Variants in TENT5D observed in about 807,000 individuals in gnomAD.
The protein encoded by TENT5D is cancer/testis antigen 112.
For synonymous variants in TENT5D, 103 were observed against 100.6 expected (o/e 1.02, Z -0.15); for missense variants, 191 against 287.0 (o/e 0.67, Z 2.42).
chrX:80,385,965 A>G (rs962243121), intron 3 of TENT5D, among the ~76,000 whole-genome samples: 7 of 112,188 alleles, frequency 6.2e-5, no homozygotes, highest in African/African-American at 2.3e-4. Context: ...ACGCTTTTAC[A>G]CTGTTGGTGG....
intron 3 of TENT5D, among the ~76,000 whole-genome samples, chrX:80,390,518 T>C (rs890737330): frequency 2.7e-5 from 3 of 111,405 alleles, no homozygotes; most frequent in Non-Finnish European, 3.8e-5. Context: ...AGGCACTGAT[T>C]ATAATGAATA....
chrX:80,355,019 G>A lies in TENT5D; in HGVS notation c.-142+12455G>A, dbSNP rs557892344. Among the ~76,000 whole-genome samples, 7 of 111,692 alleles carry A rather than the reference G, an allele frequency of 6.3e-5. No homozygotes were observed. The South Asian group carries it at 1.1e-3, about 18-fold the overall frequency. ...CACCTGGGCCATTTGTTCTAACCCC[G>A]AGGGCTTTGACCAGAACCACAGCTT... On this transcript the variant is annotated intron_variant, in intron 3 of 4. Coordinates refer to the TENT5D transcript ENST00000538312.
chrX:80,414,499 A>G (rs762885770), intron 3 of TENT5D, among the ~76,000 whole-genome samples: 1 of 112,146 alleles, frequency 8.9e-6, no homozygotes, highest in South Asian at 3.7e-4. Flanking sequence ...ACATCTGCCC[A>G]AGGTGGTCAG....
chrX:80,355,844 C>T (rs996965128), intron 3 of TENT5D, among the ~76,000 whole-genome samples: 3 of 111,626 alleles, frequency 2.7e-5, no homozygotes, highest in Non-Finnish European at 3.8e-5. Context: ...TGTGGTCTCT[C>T]TTGGTAGGAG....
chrX:80,402,951 A>T (rs967879722), intron 3 of TENT5D, among the ~76,000 whole-genome samples: 1 of 111,846 alleles, frequency 8.9e-6, no homozygotes, highest in Admixed American at 9.5e-5. Context: ...TTATGTCTGG[A>T]TGATCTTTCC....
chrX:80,422,224 C>T (rs189539804), intron 1 of TENT5D, among the ~76,000 whole-genome samples: 8 of 110,527 alleles, frequency 7.2e-5, no homozygotes, highest in African/African-American at 2.3e-4. Flanking sequence ...CCTGTAATCC[C>T]AGCACTTTGG....
At chrX:80,380,121 G>C (rs929910489) in intron 3 of TENT5D, among the ~76,000 whole-genome samples, 1 of 108,425 alleles carries the variant, frequency 9.2e-6, no homozygotes, top group South Asian at 4.1e-4. Flanking sequence ...CCTCTACACA[G>C]TGCTTTAAAT....
chrX:80,407,159 A>G (rs1931517441), intron 3 of TENT5D, among the ~76,000 whole-genome samples: 1 of 109,396 alleles, frequency 9.1e-6, no homozygotes, highest in Non-Finnish European at 1.9e-5. Flanking sequence ...CCAAAATGTA[A>G]AGACCATCGA....
intron 3 of TENT5D, among the ~76,000 whole-genome samples, chrX:80,356,238 C>T (rs1166188831): frequency 8.9e-6 from 1 of 111,907 alleles, no homozygotes; most frequent in East Asian, 2.8e-4. Flanking sequence ...AGTTTATTTA[C>T]AACAGACAAA....
chrX:80,359,763 T>C (rs1311298363), intron 3 of TENT5D, among the ~76,000 whole-genome samples: 1 of 111,782 alleles, frequency 8.9e-6, no homozygotes, highest in Non-Finnish European at 1.9e-5. Flanking sequence ...TCTGCACGTG[T>C]ATCCTAGAAC....
At chrX:80,376,926 G>T (rs1050360424) in intron 3 of TENT5D, among the ~76,000 whole-genome samples, 1 of 111,279 alleles carries the variant, frequency 9.0e-6, no homozygotes, top group Non-Finnish European at 1.9e-5. Flanking sequence ...GATATGTTAA[G>T]AATATAGTGA....
At chrX:80,403,602 G>A (rs1931429464) in intron 3 of TENT5D, among the ~76,000 whole-genome samples, 1 of 112,288 alleles carries the variant, frequency 8.9e-6, no homozygotes, top group Non-Finnish European at 1.9e-5. Flanking sequence ...TCCCTAGCTG[G>A]ATAATTCTTT....
intron 3 of TENT5D, among the ~76,000 whole-genome samples, chrX:80,415,329 C>G (rs1261536643): frequency 1.8e-5 from 2 of 111,020 alleles, no homozygotes; most frequent in Admixed American, 9.6e-5. Context: ...GCTAGGACTG[C>G]CAGTACTGTG....
At chrX:80,394,971 C>G (rs949509519) in intron 3 of TENT5D, among the ~76,000 whole-genome samples, 1 of 111,546 alleles carries the variant, frequency 9.0e-6, no homozygotes, top group African/African-American at 3.3e-5. Flanking sequence ...CTTATTTCTC[C>G]TATCTAATTG....
chrX:80,427,255 T>C (rs1261229817), intron 1 of TENT5D, among the ~76,000 whole-genome samples: 1 of 80,726 alleles, frequency 1.2e-5, no homozygotes, highest in African/African-American at 4.6e-5. Context: ...GCAGATAAAG[T>C]TTGATGTTTT....
chrX:80,357,928 C>G (rs1394523044), intron 3 of TENT5D, among the ~76,000 whole-genome samples: 2 of 111,593 alleles, frequency 1.8e-5, no homozygotes, highest in Non-Finnish European at 3.8e-5. Flanking sequence ...TACAAGGCTA[C>G]AGTAATTAAA....
At chrX:80,368,361 T>C (rs1289452607) in intron 3 of TENT5D, among the ~76,000 whole-genome samples, 1 of 111,591 alleles carries the variant, frequency 9.0e-6, no homozygotes, top group Non-Finnish European at 1.9e-5. Context: ...ATGTCAATCA[T>C]AGGAACCTTT....
intron 3 of TENT5D, among the ~76,000 whole-genome samples, chrX:80,348,091 G>C (rs1363575103): frequency 8.9e-6 from 1 of 112,041 alleles, no homozygotes; most frequent in East Asian, 2.8e-4. Context: ...GCCTTGTATA[G>C]TTTGAAGTCA....
At chrX:80,438,674 T>C (rs1478816939) in exon 2 of TENT5D, 1 of 110,561 alleles carries the variant, frequency 9.0e-6, no homozygotes, top group Non-Finnish European at 1.9e-5. Flanking sequence ...CACTGAAGGA[T>C]CTACTGAATA....
Sources: allele counts gnomAD v4.1 joint callset (sites outside exome capture counted in the v4.1 genomes callset), GRCh38; gene constraint gnomAD v4.1.1; transcripts MANE v1.5; gene names NCBI Gene and HGNC (gene_info 2026-07-23, HGNC 2026-07-21).